Variants in VPS37A observed in about 807,000 individuals in gnomAD.
VPS37A encodes the protein VPS37A subunit of ESCRT-I, also known as vacuolar protein sorting-associated protein 37A.
VPS37A carries 30 observed loss-of-function variants against 49.8 expected under a neutral mutation model. The observed-to-expected ratio is 0.60, with a 90% CI of 0.45 to 0.82. The LOEUF is 0.82. Among genes scored for constraint, VPS37A ranks in the 40% least tolerant of loss-of-function variants. The pLI is 0.00. For synonymous variants in VPS37A, 195 were observed against 160.6 expected (o/e 1.21, Z -1.62); for missense variants, 593 against 464.4 (o/e 1.28, Z -2.55).
chr8:17,322,776 A>T, the VPS37A span, among the ~76,000 whole-genome samples: 1 of 152,074 alleles, frequency 6.6e-6, no homozygotes, highest in Non-Finnish European at 1.5e-5. Flanking sequence ...TGTGAGCTAC[A>T]GTTGCATCAC....
At chr8:17,267,499 G>C (rs529274017) in intron 2 of VPS37A, among the ~76,000 whole-genome samples, 3 of 151,616 alleles carry the variant, frequency 2.0e-5, no homozygotes, top group South Asian at 4.2e-4. Flanking sequence ...AAAATATACT[G>C]TTCTTTACGT....
chr8:17,280,306 G>C lies in VPS37A; in HGVS notation c.900+9G>C. The C allele has an allele frequency of 6.2e-7, 1 of 1,609,546 alleles. No homozygotes were observed. Among genetic ancestry groups the C allele is most frequent in the Non-Finnish European group, 8.5e-7 (1 of 1,178,418 alleles). On this transcript the variant is annotated intron_variant, in intron 8 of 11. Transcript: ENST00000324849. ...AAACTGTTTTAGATAAGGTGAGTTA[G>C]TGATAATTTTGAAGAAATTTACATA...
the VPS37A span, among the ~76,000 whole-genome samples, chr8:17,326,039 G>A: frequency 5.6e-4 from 86 of 152,280 alleles, no homozygotes; most frequent in Non-Finnish European, 7.2e-4. Flanking sequence ...TGCTTACATT[G>A]CTTTACAAAT....
chr8:17,328,418 T>G, the VPS37A span, among the ~76,000 whole-genome samples: 1 of 152,174 alleles, frequency 6.6e-6, no homozygotes, highest in Non-Finnish European at 1.5e-5. Context: ...ACGGACTGTT[T>G]TAATGGATGG....
At chr8:17,271,447 T>C (rs1813982236) in intron 4 of VPS37A, among the ~76,000 whole-genome samples, 1 of 151,922 alleles carries the variant, frequency 6.6e-6, no homozygotes, top group South Asian at 2.1e-4. Context: ...CTACTAAAAA[T>C]ACAAAAAAGT....
chr8:17,270,995 C>G (rs1813931530), intron 4 of VPS37A, among the ~76,000 whole-genome samples: 1 of 152,122 alleles, frequency 6.6e-6, no homozygotes, highest in African/African-American at 2.4e-5. Context: ...CCTCGGGTAA[C>G]CACTATAGAT....
At chr8:17,313,770 G>C in the VPS37A span, among the ~76,000 whole-genome samples, 1 of 152,010 alleles carries the variant, frequency 6.6e-6, no homozygotes, top group Non-Finnish European at 1.5e-5. Context: ...AGTGCTATGA[G>C]GAAAAAAATC....
downstream of VPS37A, chr8:17,304,599 G>T (rs1563315208): frequency 2.1e-6 from 3 of 1,456,792 alleles, no homozygotes; most frequent in East Asian, 4.6e-5. Flanking sequence ...ATGCTGGAAA[G>T]GAACTAATAA....
downstream of VPS37A, chr8:17,304,228 C>G (rs952300071): frequency 1.2e-5 from 9 of 779,768 alleles, no homozygotes; most frequent in African/African-American, 1.2e-4. Flanking sequence ...GCAAAAATAC[C>G]AGATCAGATA....
downstream of VPS37A, chr8:17,304,279 G>A: frequency 1.5e-6 from 2 of 1,311,610 alleles, no homozygotes; most frequent in South Asian, 1.8e-5. Flanking sequence ...TCCAATAAAA[G>A]CCTCAAAGAT....
chr8:17,322,074 G>A, the VPS37A span, among the ~76,000 whole-genome samples: 1 of 152,118 alleles, frequency 6.6e-6, no homozygotes, highest in African/African-American at 2.4e-5. Context: ...CCTGAGATCT[G>A]AAGTTGAAAC....
chr8:17,305,140 TTTTC>T (rs569542724), downstream of VPS37A, among the ~76,000 whole-genome samples: 161 of 152,304 alleles, frequency 1.1e-3, 8 homozygotes, highest in South Asian at 0.031. Flanking sequence ...CAAAAATTAA[TTTTC>T]TTTATGAGTC....
chr8:17,309,000 G>A, the VPS37A span, among the ~76,000 whole-genome samples: 1 of 152,234 alleles, frequency 6.6e-6, no homozygotes, highest in Non-Finnish European at 1.5e-5. Flanking sequence ...CAAATGGCAG[G>A]AGGAAGGGAA....
At chr8:17,247,711 A>G (rs1212510342) in intron 1 of VPS37A, 3 of 702,614 alleles carry the variant, frequency 4.3e-6, no homozygotes, top group South Asian at 3.0e-5. Context: ...CCCTTTGCCC[A>G]CCTGATTGCC....
At chr8:17,302,414 A>G, downstream of VPS37A, 1 of 941,736 alleles carries the variant, frequency 1.1e-6, no homozygotes. Flanking sequence ...CAAAAAAGCC[A>G]CTACTTAAGG....
chr8:17,324,182 A>C, the VPS37A span, among the ~76,000 whole-genome samples: 2 of 152,198 alleles, frequency 1.3e-5, no homozygotes, highest in Non-Finnish European at 2.9e-5. Flanking sequence ...AAAATTGGTT[A>C]CTTCTTTCAG....
At chr8:17,252,365 G>T (rs1812058031) in intron 1 of VPS37A, among the ~76,000 whole-genome samples, 1 of 152,000 alleles carries the variant, frequency 6.6e-6, no homozygotes, top group African/African-American at 2.4e-5. Flanking sequence ...TGGTAGAGAT[G>T]GGGTTTTGCT....
At chr8:17,322,518 G>C in the VPS37A span, among the ~76,000 whole-genome samples, 1 of 152,134 alleles carries the variant, frequency 6.6e-6, no homozygotes, top group Non-Finnish European at 1.5e-5. Flanking sequence ...GTAAAACTTT[G>C]CAACAAATAA....
intron 4 of VPS37A, among the ~76,000 whole-genome samples, chr8:17,269,492 T>C (rs573907337): frequency 1.1e-4 from 16 of 152,358 alleles, no homozygotes; most frequent in African/African-American, 3.8e-4. Flanking sequence ...TCTTAAATTT[T>C]AAGATCTTAC....
Sources: allele counts gnomAD v4.1 joint callset (sites outside exome capture counted in the v4.1 genomes callset), GRCh38; gene constraint gnomAD v4.1.1; transcripts MANE v1.5; gene names NCBI Gene and HGNC (gene_info 2026-07-23, HGNC 2026-07-21).